The following MAD1L1 variants were observed in gnomAD, a reference collection of about 807,000 sequenced individuals.
MAD1L1 encodes the protein mitotic arrest deficient 1 like 1, also known as mitotic spindle assembly checkpoint protein MAD1.
A neutral mutation model predicts 96.9 loss-of-function variants in MAD1L1; 95 were observed. That is an observed-to-expected ratio of 0.98 (90% CI 0.83 to 1.16). MAD1L1 has a LOEUF of 1.16. MAD1L1 is among the 50% of genes most tolerant of loss of function. The pLI, the probability that MAD1L1 is intolerant of heterozygous loss-of-function variation, is 0.00. For missense variants in MAD1L1, 1,007 were observed against 954.4 expected (o/e 1.06, Z -0.73); for synonymous variants, 473 against 396.6 (o/e 1.19, Z -2.29).
intron 18 of MAD1L1, among the ~76,000 whole-genome samples, chr7:1,840,223 G>A (rs891854663): frequency 6.6e-6 from 1 of 152,198 alleles, no homozygotes; most frequent in South Asian, 2.1e-4. Flanking sequence ...TGGAGCCGGT[G>A]AGCGTGAGCA....
chr7:1,988,598 A>G (rs1381390978), intron 14 of MAD1L1, among the ~76,000 whole-genome samples: 3 of 152,178 alleles, frequency 2.0e-5, no homozygotes, highest in Non-Finnish European at 2.9e-5. Context: ...GTGAAGCAGC[A>G]GCACAGTCCC....
chr7:1,851,703 C>A (rs1001272578), intron 18 of MAD1L1, among the ~76,000 whole-genome samples: 3 of 152,062 alleles, frequency 2.0e-5, no homozygotes, highest in Non-Finnish European at 4.4e-5. Context: ...GGGGACACAG[C>A]CTTCAGTGCC....
intron 14 of MAD1L1, among the ~76,000 whole-genome samples, chr7:1,999,652 C>A (rs1164696571): frequency 2.0e-5 from 3 of 152,206 alleles, no homozygotes; most frequent in Admixed American, 6.5e-5. Flanking sequence ...TGCCCCTCCA[C>A]TGCCCCAGCC....
chr7:2,070,257 G>A (rs1785060632), intron 11 of MAD1L1, among the ~76,000 whole-genome samples: 1 of 152,212 alleles, frequency 6.6e-6, no homozygotes, highest in South Asian at 2.1e-4. Flanking sequence ...TGATGCAACG[G>A]CTTTCTGTGA....
At chr7:1,972,861 C>G (rs1334485380) in intron 15 of MAD1L1, among the ~76,000 whole-genome samples, 1 of 152,148 alleles carries the variant, frequency 6.6e-6, no homozygotes, top group Non-Finnish European at 1.5e-5. Context: ...GTGTGTATTT[C>G]CATTATTGCC....
At chr7:2,231,563 C>T (rs760086363) in intron 1 of MAD1L1, among the ~76,000 whole-genome samples, 6 of 151,874 alleles carry the variant, frequency 4.0e-5, no homozygotes, top group South Asian at 2.1e-4. Flanking sequence ...ACTGAGATCG[C>T]GCCACTGCAT....
At chr7:2,158,074 T>C (rs1041727615) in intron 10 of MAD1L1, among the ~76,000 whole-genome samples, 2 of 152,244 alleles carry the variant, frequency 1.3e-5, no homozygotes, top group African/African-American at 4.8e-5. Flanking sequence ...CATCTGCTGC[T>C]GAACACGCGG....
chr7:2,200,756 C>T (rs922939828), intron 10 of MAD1L1, among the ~76,000 whole-genome samples: 2 of 152,226 alleles, frequency 1.3e-5, no homozygotes, highest in African/African-American at 2.4e-5. Context: ...GCTTCATGCA[C>T]ACGGCCCCCC....
chr7:2,115,439 A>G (rs1485602081), intron 11 of MAD1L1, among the ~76,000 whole-genome samples: 2 of 143,872 alleles, frequency 1.4e-5, no homozygotes, highest in Non-Finnish European at 3.0e-5. Flanking sequence ...GGTGCTGGAC[A>G]GGGTCCCCGC....
At chr7:1,937,445 C>T (rs375965761) in intron 16 of MAD1L1, among the ~76,000 whole-genome samples, 19 of 152,296 alleles carry the variant, frequency 1.2e-4, no homozygotes, top group South Asian at 6.2e-4. Context: ...AACCCAGGGC[C>T]GGGATGTGTG....
At chr7:2,203,533 T>C (rs1026638133) in intron 10 of MAD1L1, among the ~76,000 whole-genome samples, 2 of 152,160 alleles carry the variant, frequency 1.3e-5, no homozygotes, top group Non-Finnish European at 2.9e-5. Flanking sequence ...CCAACCAGCA[T>C]AGCATGGCTA....
At chr7:2,076,986 C>T (rs892329318) in intron 11 of MAD1L1, among the ~76,000 whole-genome samples, 5 of 142,156 alleles carry the variant, frequency 3.5e-5, no homozygotes, top group South Asian at 4.4e-4. Context: ...ATGGTGAGCC[C>T]GAGACGGTTA....
intron 15 of MAD1L1, among the ~76,000 whole-genome samples, chr7:1,973,800 C>T (rs1470331753): frequency 6.6e-6 from 1 of 152,172 alleles, no homozygotes; most frequent in Non-Finnish European, 1.5e-5. Flanking sequence ...GCTCCGATCC[C>T]TGTTGGGCAT....
chr7:2,209,760 G>C (rs990908741), intron 10 of MAD1L1, among the ~76,000 whole-genome samples: 1 of 152,142 alleles, frequency 6.6e-6, no homozygotes, highest in African/African-American at 2.4e-5. Flanking sequence ...CAGCCCACCC[G>C]GCACAGGCCC....
chr7:2,210,512 TCGGGACCGCCAGCCCGCA>T (rs1792877569), intron 10 of MAD1L1, among the ~76,000 whole-genome samples: 2 of 94,786 alleles, frequency 2.1e-5, no homozygotes, highest in East Asian at 3.7e-4. Flanking sequence ...GGAGCCGTAT[TCGGGACCGCCAGCCCGCA>T]TTCCCGTGGA....
chr7:1,879,923 G>A (rs985458427), intron 18 of MAD1L1, among the ~76,000 whole-genome samples: 35 of 152,126 alleles, frequency 2.3e-4, no homozygotes, highest in Non-Finnish European at 4.7e-4. Flanking sequence ...GCAGAGACGG[G>A]ATTTCACTCT....
chr7:1,878,721 G>A (rs1044675972), intron 18 of MAD1L1, among the ~76,000 whole-genome samples: 2 of 130,736 alleles, frequency 1.5e-5, no homozygotes, highest in Non-Finnish European at 3.3e-5. Flanking sequence ...TCAGAAACAA[G>A]GTAAAAATGT....
At chr7:2,099,753 C>T (rs1487191212) in intron 11 of MAD1L1, among the ~76,000 whole-genome samples, 4 of 152,232 alleles carry the variant, frequency 2.6e-5, no homozygotes, top group African/African-American at 7.2e-5. Context: ...TGTGAACAGT[C>T]CTCAGGCGTG....
chr7:2,212,531 G>T (rs1200261216), intron 10 of MAD1L1, among the ~76,000 whole-genome samples: 1 of 152,114 alleles, frequency 6.6e-6, no homozygotes, highest in African/African-American at 2.4e-5. Flanking sequence ...CATGAGATCT[G>T]GTCATTTAGA....
Sources: allele counts gnomAD v4.1 joint callset (sites outside exome capture counted in the v4.1 genomes callset), GRCh38; gene constraint gnomAD v4.1.1; transcripts MANE v1.5; gene names NCBI Gene and HGNC (gene_info 2026-07-23, HGNC 2026-07-21).